Variants in NOL4 observed in about 807,000 individuals in gnomAD.
NOL4 encodes the protein nucleolar protein 4.
Under a neutral mutation model 75.9 loss-of-function variants are expected in NOL4, and 17 were observed. The ratio of observed to expected loss-of-function variants is 0.22; its 90% confidence interval spans 0.15 to 0.34. The LOEUF (loss-of-function observed/expected upper bound fraction) is 0.34. NOL4 is among the 10% of genes least tolerant of loss of function. The pLI is 1.00. For synonymous variants in NOL4, 292 were observed against 289.9 expected, an observed-to-expected ratio of 1.01 and a Z score of -0.07; for missense variants, 614 against 793.5, an observed-to-expected ratio of 0.77 and a Z score of 2.72.
chr18:33,968,650 A>G (rs1266566332), intron 6 of NOL4, among the ~76,000 whole-genome samples: 1 of 152,180 alleles, frequency 6.6e-6, no homozygotes, highest in African/African-American at 2.4e-5. Flanking sequence ...TAGTGGGGAA[A>G]GGGTTTAAAA....
chr18:33,974,982 A>G (rs1209919430), intron 6 of NOL4, among the ~76,000 whole-genome samples: 2 of 152,256 alleles, frequency 1.3e-5, no homozygotes, highest in African/African-American at 4.8e-5. Context: ...GATACTATGC[A>G]GCCTTAAAAA....
chr18:33,950,839 T>C (rs920681200), intron 8 of NOL4, among the ~76,000 whole-genome samples: 2 of 152,176 alleles, frequency 1.3e-5, no homozygotes, highest in African/African-American at 4.8e-5. Context: ...GAAAGGGAAC[T>C]GTGAAATTCA....
At chr18:33,983,453 G>T (rs2072149171) in intron 6 of NOL4, among the ~76,000 whole-genome samples, 1 of 149,168 alleles carries the variant, frequency 6.7e-6, no homozygotes, top group Non-Finnish European at 1.5e-5. Context: ...TAGATGAGAG[G>T]TATACATAGG....
intron 5 of NOL4, among the ~76,000 whole-genome samples, chr18:34,082,444 G>A (rs535114116): frequency 1.4e-4 from 22 of 152,060 alleles, no homozygotes; most frequent in Non-Finnish European, 2.4e-4. Context: ...AGCGCCTAGC[G>A]TTCAGTAAAC....
At chr18:33,880,282 T>C (rs932688801) in intron 10 of NOL4, among the ~76,000 whole-genome samples, 2 of 150,136 alleles carry the variant, frequency 1.3e-5, no homozygotes, top group Non-Finnish European at 3.0e-5. Flanking sequence ...TTTTTTATGG[T>C]GTTTTTGTCA....
chr18:33,954,608 A>G (rs1299465761), intron 8 of NOL4, among the ~76,000 whole-genome samples: 2 of 152,010 alleles, frequency 1.3e-5, no homozygotes, highest in African/African-American at 4.8e-5. Flanking sequence ...ATAAAACAGT[A>G]GGGGTGGTTG....
chr18:34,112,167 G>T (rs970438617), intron 2 of NOL4, among the ~76,000 whole-genome samples: 1 of 152,036 alleles, frequency 6.6e-6, no homozygotes, highest in African/African-American at 2.4e-5. Context: ...TCAGGAGTTC[G>T]AGACCAGCCT....
chr18:33,977,436 C>T (rs1568158831), intron 6 of NOL4, among the ~76,000 whole-genome samples: 1 of 152,120 alleles, frequency 6.6e-6, no homozygotes, highest in South Asian at 2.1e-4. Flanking sequence ...CAGGACAGTT[C>T]CCCTGCATAT....
chr18:33,924,072 T>C (rs1346839450), intron 9 of NOL4, among the ~76,000 whole-genome samples: 1 of 152,204 alleles, frequency 6.6e-6, no homozygotes, highest in Non-Finnish European at 1.5e-5. Context: ...CACTTGTATA[T>C]TAATGTTCAA....
At chr18:33,927,513 T>C (rs1488536809) in intron 9 of NOL4, among the ~76,000 whole-genome samples, 1 of 152,122 alleles carries the variant, frequency 6.6e-6, no homozygotes, top group East Asian at 1.9e-4. Flanking sequence ...AGAGTCAGTG[T>C]GTGGACTGTT....
At chr18:33,873,506 G>T (rs184330833) in intron 10 of NOL4, among the ~76,000 whole-genome samples, 1 of 151,936 alleles carries the variant, frequency 6.6e-6, no homozygotes, top group South Asian at 2.1e-4. Flanking sequence ...TCTCTAAAAC[G>T]TTTGATATGA....
At chr18:34,096,423 GTT>G (rs1422499201) in intron 4 of NOL4, among the ~76,000 whole-genome samples, 1 of 151,956 alleles carries the variant, frequency 6.6e-6, no homozygotes, top group Non-Finnish European at 1.5e-5. Context: ...TTAAATTATT[GTT>G]TTTAATAAAA....
rs563190077 is a variant in NOL4 at position 34,174,235 on chromosome 18, A to G, written c.265-44215T>C. Among the ~76,000 whole-genome samples the G allele has an allele frequency of 2.6e-5, 4 of 152,296 alleles. No homozygotes were observed. In the South Asian group the frequency reaches 8.3e-4, roughly 32 times the overall value. On this transcript the variant is annotated intron_variant, in intron 1 of 10. Transcript: ENST00000261592. ...CAAAGAAGGAAACTTAATCTGTACT[A>G]TTTAAATCCAGGGCACAGAAGTAAA...
intron 1 of NOL4, among the ~76,000 whole-genome samples, chr18:34,187,370 C>CT (rs545524361): frequency 0.069 from 5,362 of 78,200 alleles, 644 homozygotes; most frequent in African/African-American, 0.18. Flanking sequence ...TAGTCCACTT[C>CT]TTTTTTTTTT....
intron 9 of NOL4, among the ~76,000 whole-genome samples, chr18:33,895,272 A>T (rs999645322): frequency 6.6e-6 from 1 of 152,112 alleles, no homozygotes. Context: ...ACTAGATGCA[A>T]TGCAAAGTCA....
At chr18:33,887,413 G>A (rs2064811121) in intron 9 of NOL4, among the ~76,000 whole-genome samples, 1 of 149,898 alleles carries the variant, frequency 6.7e-6, no homozygotes, top group Non-Finnish European at 1.5e-5. Context: ...TACCAAAGAA[G>A]GTGAGTTTTT....
At chr18:33,941,225 T>A (rs1459389091) in intron 9 of NOL4, among the ~76,000 whole-genome samples, 1 of 152,050 alleles carries the variant, frequency 6.6e-6, no homozygotes, top group Non-Finnish European at 1.5e-5. Flanking sequence ...AGTATTTAAG[T>A]GACTGGATCA....
chr18:34,017,694 G>T (rs992390805), intron 6 of NOL4, among the ~76,000 whole-genome samples: 2 of 151,986 alleles, frequency 1.3e-5, no homozygotes, highest in Non-Finnish European at 2.9e-5. Flanking sequence ...CATCTTATTT[G>T]ATTTCTCAAC....
At chr18:34,015,715 G>T (rs139160031) in intron 6 of NOL4, among the ~76,000 whole-genome samples, 1 of 152,026 alleles carries the variant, frequency 6.6e-6, no homozygotes, top group South Asian at 2.1e-4. Context: ...TTTCTTCAGA[G>T]CTGACACATG....
Sources: allele counts gnomAD v4.1 joint callset (sites outside exome capture counted in the v4.1 genomes callset), GRCh38; gene constraint gnomAD v4.1.1; transcripts MANE v1.5; gene names NCBI Gene and HGNC (gene_info 2026-07-23, HGNC 2026-07-21).